Variants in GRAMD2A observed in about 807,000 individuals in gnomAD.
The protein encoded by GRAMD2A is GRAM domain-containing protein 2A.
In GRAMD2A, 37 loss-of-function variants were observed where a neutral mutation model predicts 51.1. The observed-to-expected ratio is 0.72, with a 90% CI of 0.56 to 0.95. GRAMD2A has a LOEUF of 0.95. GRAMD2A is among the 40% of genes least tolerant of loss of function. The pLI is 0.00. For synonymous variants in GRAMD2A, 136 were observed against 157.1 expected (o/e 0.87, Z 1.01); for missense variants, 414 against 426.9 (o/e 0.97, Z 0.27).
intron 10 of GRAMD2A, 115 bp downstream of exon 10, chr15:72,163,151 G>A: frequency 2.9e-6 from 2 of 691,496 alleles, no homozygotes; most frequent in Non-Finnish European, 5.0e-6. Context: ...GCTTGAATTT[G>A]ACTCAGAAAC....
chr15:72,188,862 T>G (rs901032095), intron 1 of GRAMD2A, among the ~76,000 whole-genome samples: 14 of 152,112 alleles, frequency 9.2e-5, no homozygotes, highest in Admixed American at 3.9e-4. Context: ...TTTTGTATAT[T>G]TAGTAGAGAT....
chr15:72,197,436 G>C (rs2081816754), intron 1 of GRAMD2A, among the ~76,000 whole-genome samples: 1 of 152,190 alleles, frequency 6.6e-6, no homozygotes, highest in African/African-American at 2.4e-5. Context: ...TCCCGAGGAG[G>C]GTGCCCTTCC....
At chr15:72,174,831 G>A (rs1441307988) in intron 1 of GRAMD2A, among the ~76,000 whole-genome samples, 1 of 152,154 alleles carries the variant, frequency 6.6e-6, no homozygotes, top group African/African-American at 2.4e-5. Context: ...GGGCAGGAGA[G>A]GAGGGGGCAA....
chr15:72,162,662 CCT>C, intron 10 of GRAMD2A: 1 of 315,584 alleles, frequency 3.2e-6, no homozygotes, highest in Non-Finnish European at 5.9e-6. Context: ...GTCATCCTAC[CCT>C]CTCTCTCACC....
At position 72,163,490 on chromosome 15, in the gene GRAMD2A, G is replaced by A. The variant is rs951747730; in HGVS notation, c.746-14C>T. 4 of 1,602,664 alleles carry A rather than the reference G, an allele frequency of 2.5e-6. No individual in the cohort carries two copies. Among genetic ancestry groups the A allele is most frequent in the Admixed American group, 3.5e-5 (2 of 57,236 alleles). ...CTCTTGACTTTTCTTTATGGATTGG[G>A]AGAAAAAAAAAATCAGCTCTCAGAA... On this transcript the variant is annotated splice_polypyrimidine_tract_variant and intron_variant, in intron 9 of 11. Coordinates refer to ENST00000309731, the MANE Select transcript of GRAMD2A (RefSeq NM_001012642.3).
chr15:72,188,148 C>G (rs1321014578), intron 1 of GRAMD2A, among the ~76,000 whole-genome samples: 6 of 152,078 alleles, frequency 3.9e-5, no homozygotes, highest in Non-Finnish European at 1.5e-5. Flanking sequence ...ACCAGCCTGA[C>G]CAATGTGGTG....
At chr15:72,186,306 T>C (rs2081733608) in intron 1 of GRAMD2A, among the ~76,000 whole-genome samples, 1 of 151,874 alleles carries the variant, frequency 6.6e-6, no homozygotes, top group South Asian at 2.1e-4. Flanking sequence ...ATTCTTTTCT[T>C]TTTCTTTTAT....
Position 72,160,114 on chromosome 15 carries a change from GC to G in GRAMD2A, c.*1894del, listed in dbSNP as rs1409832754. On this transcript the variant is annotated 3_prime_UTR_variant, in exon 12 of 12. Transcript: ENST00000309731. Reference sequence around the variant, plus strand: ...TCACCTACGCTGCAGCATGGCTCTTGCCCTTTCTGAGCCTGGGTATAGCTGA... The same window carrying G: ...TCACCTACGCTGCAGCATGGCTCTTGCCTTTCTGAGCCTGGGTATAGCTGA... 1.3e-5 allele frequency: 2 copies of G among 152,180 alleles called. No individual in the cohort carries two copies. The highest frequency in any genetic ancestry group is 2.9e-5 in the Non-Finnish European group (2 of 68,062). 9.4% of individuals were successfully genotyped at this position (152,180 alleles called of 1,614,324 possible).
chr15:72,167,815 T>C lies in GRAMD2A; in HGVS notation c.293A>G (p.Asp98Gly), dbSNP rs1369789439. ...LKVCSCALQR[D>G]FLLQGRLYIS... is the part of the protein sequence containing the mutation. ...GTAGAGCCGGCCCTGGAGGAGGAAG[T>C]CCCTCTGGAGGGCACAGGAACACAC... is the stretch of plus-strand genomic sequence containing the variant. The change falls in exon 5 of 12, where the codon GAC becomes GGC. Residue 98 changes from aspartate (D) to glycine (G), a missense_variant. Coordinates refer to ENST00000309731, the MANE Select transcript of GRAMD2A (RefSeq NM_001012642.3). 6.2e-7 allele frequency: 1 copy of C among 1,613,840 alleles called. No homozygotes were observed. Among genetic ancestry groups the C allele is most frequent in the Non-Finnish European group, 8.5e-7 (1 of 1,179,882 alleles).
intron 1 of GRAMD2A, among the ~76,000 whole-genome samples, chr15:72,180,281 A>C (rs961180622): frequency 6.6e-6 from 1 of 152,172 alleles, no homozygotes; most frequent in Non-Finnish European, 1.5e-5. Context: ...CCGCTGCTGG[A>C]GCGGCATCTA....
intron 1 of GRAMD2A, among the ~76,000 whole-genome samples, chr15:72,177,397 T>A (rs2081662117): frequency 6.6e-6 from 1 of 152,224 alleles, no homozygotes; most frequent in South Asian, 2.1e-4. Flanking sequence ...CTGGTTTCAC[T>A]GGCCACACCC....
At position 72,166,562 on chromosome 15, in the gene GRAMD2A, A is replaced by G. The variant is rs570797030; in HGVS notation, c.543+70T>C. The G allele has an allele frequency of 6.0e-5, 71 of 1,176,278 alleles. No individual in the cohort carries two copies. In the South Asian group the frequency reaches 6.9e-4, roughly 11 times the overall value. 72.9% of individuals were successfully genotyped at this position (1,176,278 alleles called of 1,614,324 possible). On this transcript the variant is annotated intron_variant, in intron 7 of 11. Transcript: ENST00000309731. This position sits in a 1 kb window ranked among gnomAD's most constrained non-coding sequence, Gnocchi z 4.1. Reference sequence around the variant, plus strand: ...CTGGAGAGATGGGCGACCTCCCCCAACACCCTTGTGCAAGACCTGCATCCA... The same window carrying G: ...CTGGAGAGATGGGCGACCTCCCCCAGCACCCTTGTGCAAGACCTGCATCCA...
At chr15:72,167,159 T>A in intron 5 of GRAMD2A, 67 bp from the exon 6 acceptor site, 12 of 1,203,716 alleles carry the variant, frequency 1.0e-5, no homozygotes, top group Non-Finnish European at 1.5e-5. Flanking sequence ...GCTCCCTGCC[T>A]AGGGACCCAG....
rs895492895 is a variant in GRAMD2A, at chr15:72,193,527, CT to C, written c.41+4203del. Among the ~76,000 whole-genome samples, 710 of 134,560 alleles carry C rather than the reference CT, an allele frequency of 5.3e-3. 7 individuals carry two copies. Among genetic ancestry groups the C allele is most frequent in the African/African-American group, 0.017 (608 of 36,240 alleles). 88.3% of individuals were successfully genotyped at this position (134,560 alleles called of 152,430 possible). ...GCCACCACACCCGGCTTGTGCATTT[CT>C]TTTTTTTTTTTCGAGACGCAGTCTT... On this transcript the variant is annotated intron_variant, in intron 1 of 11. Transcript: ENST00000309731.
intron 1 of GRAMD2A, among the ~76,000 whole-genome samples, chr15:72,184,614 G>A (rs556304340): frequency 6.6e-6 from 1 of 152,226 alleles, no homozygotes; most frequent in Non-Finnish European, 1.5e-5. Context: ...GGCTCCCCCA[G>A]GCTGGGCTCG....
At chr15:72,194,978 G>A (rs936148062) in intron 1 of GRAMD2A, among the ~76,000 whole-genome samples, 6 of 152,152 alleles carry the variant, frequency 3.9e-5, no homozygotes, top group Non-Finnish European at 7.3e-5. Flanking sequence ...GTGAGCCGCC[G>A]CGCCCGGCTC....
chr15:72,162,194 C>G, intron 11 of GRAMD2A, 79 bp downstream of exon 11: 1 of 1,384,812 alleles, frequency 7.2e-7, no homozygotes, highest in East Asian at 2.3e-5. Flanking sequence ...CAAGTCCAGC[C>G]AGGCAGCCTG....
At chr15:72,194,948 A>G (rs1323779764) in intron 1 of GRAMD2A, among the ~76,000 whole-genome samples, 1 of 152,188 alleles carries the variant, frequency 6.6e-6, no homozygotes, top group African/African-American at 2.4e-5. Context: ...TCAGCCTCCC[A>G]AAGTGCTGGG....
intron 1 of GRAMD2A, among the ~76,000 whole-genome samples, chr15:72,179,697 TG>T (rs2081682556): frequency 1.3e-5 from 2 of 152,198 alleles, no homozygotes; most frequent in Admixed American, 6.5e-5. Flanking sequence ...TGACTCAGTC[TG>T]GGGTGGGGCT....
Sources: gnomAD v4.1 joint callset for allele counts (sites outside exome capture counted in the v4.1 genomes callset) on GRCh38, gnomAD v4.1.1 for gene constraint, Gnocchi (gnomAD v3.1) non-coding constraint, MANE v1.5 for transcripts, NCBI Gene and HGNC (gene_info 2026-07-23, HGNC 2026-07-21) for gene names.